The following DAB1 variants were observed in gnomAD, a reference collection of about 807,000 sequenced individuals.
DAB1 encodes DAB adaptor protein 1, also known as disabled homolog 1.
Under a neutral mutation model 64.6 loss-of-function variants are expected in DAB1, and 15 were observed. The observed-to-expected ratio is 0.23, with a 90% CI of 0.16 to 0.36. DAB1 has a LOEUF of 0.36. Among genes scored for constraint, DAB1 ranks in the 10% least tolerant of loss-of-function variants. The probability of loss-of-function intolerance (pLI) is 1.00; values close to 1 mark genes in which losing one functional copy is unlikely to be tolerated. For missense variants in DAB1, 596 were observed against 706.7 expected (o/e 0.84, Z 1.78); for synonymous variants, 235 against 251.9 (o/e 0.93, Z 0.64).
chr1:57,240,057 A>C (rs1668389755), intron 2 of DAB1, among the ~76,000 whole-genome samples: 1 of 152,192 alleles, frequency 6.6e-6, no homozygotes, highest in South Asian at 2.1e-4. Flanking sequence ...CTCCAACCAC[A>C]CTAAGCTTAG....
chr1:57,825,091 G>A (rs1415139022), downstream of DAB1, among the ~76,000 whole-genome samples: 1 of 152,186 alleles, frequency 6.6e-6, no homozygotes, highest in Non-Finnish European at 1.5e-5. Context: ...CAGAAGTAAC[G>A]TGAAAAGGGT....
At chr1:57,589,436 C>A (rs920987078) in intron 7 of DAB1, among the ~76,000 whole-genome samples, 2 of 151,900 alleles carry the variant, frequency 1.3e-5, no homozygotes, top group African/African-American at 4.8e-5. Flanking sequence ...TAAAGAGCTT[C>A]TACCAATAAA....
chr1:57,305,978 AAAAAAAAG>A (rs373892288), intron 1 of DAB1, among the ~76,000 whole-genome samples: 1 of 149,100 alleles, frequency 6.7e-6, no homozygotes, highest in African/African-American at 2.4e-5. Flanking sequence ...CAAAAAAAAA[AAAAAAAAG>A]AAAAAAGAAA....
intron 3 of DAB1, among the ~76,000 whole-genome samples, chr1:58,349,644 T>C (rs2100513696): frequency 6.6e-6 from 1 of 152,088 alleles, no homozygotes; most frequent in Middle Eastern, 3.4e-3. Context: ...GTGTGTGATG[T>C]TCCCCTCCCT....
chr1:57,058,764 A>C (rs1015549861), intron 9 of DAB1, among the ~76,000 whole-genome samples: 2 of 152,380 alleles, frequency 1.3e-5, no homozygotes, highest in Admixed American at 6.5e-5. Flanking sequence ...TCACATAGCC[A>C]GTAATGAAGC....
intron 4 of DAB1, among the ~76,000 whole-genome samples, chr1:58,205,049 C>G (rs1002012438): frequency 1.3e-5 from 2 of 152,076 alleles, no homozygotes; most frequent in African/African-American, 4.8e-5. Context: ...GATGAGGTAA[C>G]TGAGGTCAAA....
chr1:58,153,040 C>G (rs1000265873), intron 4 of DAB1, among the ~76,000 whole-genome samples: 4 of 152,278 alleles, frequency 2.6e-5, no homozygotes, highest in Non-Finnish European at 4.4e-5. Context: ...CACTAGCAAC[C>G]AAGCTCATCT....
intron 2 of DAB1, among the ~76,000 whole-genome samples, chr1:57,235,091 G>C (rs1041210802): frequency 6.6e-6 from 1 of 152,054 alleles, no homozygotes; most frequent in African/African-American, 2.4e-5. Context: ...CAGATTTCAG[G>C]GATCAGAGGG....
chr1:57,595,059 A>G (rs1257008081), intron 7 of DAB1, among the ~76,000 whole-genome samples: 1 of 152,134 alleles, frequency 6.6e-6, no homozygotes, highest in African/African-American at 2.4e-5. Flanking sequence ...TTACATGTTG[A>G]ATATAGCTGT....
intron 6 of DAB1, among the ~76,000 whole-genome samples, chr1:57,800,543 T>C (rs1468613274): frequency 6.6e-6 from 1 of 152,168 alleles, no homozygotes; most frequent in Admixed American, 6.5e-5. Context: ...AAATTTGTCA[T>C]ACACCTTCCC....
chr1:57,615,253 G>C (rs1645778630), intron 7 of DAB1, among the ~76,000 whole-genome samples: 1 of 152,210 alleles, frequency 6.6e-6, no homozygotes, highest in Admixed American at 6.5e-5. Context: ...CCCCTTTGCT[G>C]TTTCGTGTCC....
intron 5 of DAB1, among the ~76,000 whole-genome samples, chr1:58,044,371 G>T (rs1647194801): frequency 1.3e-5 from 2 of 151,776 alleles, no homozygotes; most frequent in East Asian, 1.9e-4. Flanking sequence ...CTAGCCTAGG[G>T]GTTACAGTGG....
chr1:57,448,598 T>A (rs749485337), intron 7 of DAB1, among the ~76,000 whole-genome samples: 1 of 152,220 alleles, frequency 6.6e-6, no homozygotes, highest in African/African-American at 2.4e-5. Flanking sequence ...TTGTTATGCA[T>A]CTGTTACACT....
At chr1:57,250,648 T>C (rs567058808) in intron 2 of DAB1, among the ~76,000 whole-genome samples, 1 of 152,344 alleles carries the variant, frequency 6.6e-6, no homozygotes, top group African/African-American at 2.4e-5. Context: ...AATCCATAGC[T>C]TTTCATAATT....
intron 3 of DAB1, among the ~76,000 whole-genome samples, chr1:58,457,103 A>C (rs1361258866): frequency 6.6e-6 from 1 of 152,148 alleles, no homozygotes; most frequent in African/African-American, 2.4e-5. Context: ...GCCCTGTTCC[A>C]TCTCCTCTCA....
intron 4 of DAB1, among the ~76,000 whole-genome samples, chr1:58,161,780 C>T (rs1430955562): frequency 6.6e-6 from 1 of 151,996 alleles, no homozygotes; most frequent in Non-Finnish European, 1.5e-5. Flanking sequence ...CTATGAACTC[C>T]AGAATTCATT....
intron 6 of DAB1, among the ~76,000 whole-genome samples, chr1:57,708,358 C>T (rs1254480209): frequency 2.0e-5 from 3 of 152,238 alleles, no homozygotes; most frequent in Non-Finnish European, 4.4e-5. Context: ...GTTCTCTGTA[C>T]TCTTCCTTCT....
intron 7 of DAB1, among the ~76,000 whole-genome samples, chr1:57,581,985 G>A (rs1367417588): frequency 2.0e-5 from 3 of 152,126 alleles, no homozygotes; most frequent in Non-Finnish European, 4.4e-5. Context: ...GGTTCCTGGT[G>A]AGGACTGTCT....
At chr1:57,734,200 G>A in intron 6 of DAB1, among the ~76,000 whole-genome samples, 1 of 152,134 alleles carries the variant, frequency 6.6e-6, no homozygotes, top group East Asian at 1.9e-4. Flanking sequence ...GTGCCCTTGG[G>A]CAACTGAGTC....
Sources: allele counts gnomAD v4.1 joint callset (sites outside exome capture counted in the v4.1 genomes callset), GRCh38; gene constraint gnomAD v4.1.1; transcripts MANE v1.5; gene names NCBI Gene and HGNC (gene_info 2026-07-23, HGNC 2026-07-21).